Variants in RIT2 observed in about 807,000 individuals in gnomAD.
RIT2 encodes Ras like without CAAX 2, also known as GTP-binding protein Rit2.
In RIT2, 24 loss-of-function variants were observed where a neutral mutation model predicts 23.7. That is an observed-to-expected ratio of 1.01 (90% CI 0.73 to 1.43). The LOEUF (loss-of-function observed/expected upper bound fraction) is 1.43. Among genes scored for constraint, RIT2 ranks in the 40% most tolerant of loss-of-function variants. The pLI is 0.00. For synonymous variants in RIT2, 107 were observed against 91.1 expected (o/e 1.17, Z -0.99); for missense variants, 236 against 266.9 (o/e 0.88, Z 0.81).
intron 4 of RIT2, among the ~76,000 whole-genome samples, chr18:42,841,792 C>T (rs575657285): frequency 6.6e-6 from 1 of 152,160 alleles, no homozygotes; most frequent in South Asian, 2.1e-4. Flanking sequence ...AGGGAATCAT[C>T]TCACTATTAT....
At chr18:43,068,286 C>T (rs1568072559) in intron 1 of RIT2, among the ~76,000 whole-genome samples, 1 of 151,848 alleles carries the variant, frequency 6.6e-6, no homozygotes, top group Non-Finnish European at 1.5e-5. Flanking sequence ...GGTAAATTGC[C>T]CAAGATCACA....
intron 2 of RIT2, among the ~76,000 whole-genome samples, chr18:42,996,651 T>C (rs1910991611): frequency 1.3e-5 from 2 of 151,318 alleles, no homozygotes. Flanking sequence ...CCTTTGAGTG[T>C]AATTTTCCTT....
intron 4 of RIT2, among the ~76,000 whole-genome samples, chr18:42,903,375 G>C (rs1908528039): frequency 6.6e-6 from 1 of 151,970 alleles, no homozygotes; most frequent in South Asian, 2.1e-4. Context: ...GATTATCTAA[G>C]AGCTGCAAAG....
At chr18:42,801,169 TG>T (rs1454512181) in intron 4 of RIT2, among the ~76,000 whole-genome samples, 1 of 152,280 alleles carries the variant, frequency 6.6e-6, no homozygotes, top group East Asian at 1.9e-4. Context: ...AAGAAACAGT[TG>T]TTATATCCAC....
intron 4 of RIT2, among the ~76,000 whole-genome samples, chr18:42,804,484 G>A (rs1050927566): frequency 6.6e-6 from 1 of 150,744 alleles, no homozygotes; most frequent in East Asian, 2.0e-4. Flanking sequence ...GAACCCAGGA[G>A]GCGGAGATTG....
chr18:42,801,143 G>A (rs1328113436), intron 4 of RIT2, among the ~76,000 whole-genome samples: 2 of 151,902 alleles, frequency 1.3e-5, no homozygotes, highest in Non-Finnish European at 2.9e-5. Flanking sequence ...TGATGATGGC[G>A]ATGGTGAAGA....
chr18:43,088,150 A>T (rs1033830681), intron 1 of RIT2, among the ~76,000 whole-genome samples: 7 of 152,116 alleles, frequency 4.6e-5, no homozygotes, highest in Non-Finnish European at 8.8e-5. Context: ...ACCATTTTTA[A>T]TCTCTCTTAG....
chr18:42,903,871 A>G (rs917327321), intron 4 of RIT2, among the ~76,000 whole-genome samples: 5 of 152,172 alleles, frequency 3.3e-5, no homozygotes, highest in Non-Finnish European at 7.4e-5. Flanking sequence ...CAAATCAATC[A>G]AAGTATTTTT....
intron 3 of RIT2, among the ~76,000 whole-genome samples, chr18:42,970,593 T>C (rs1443236090): frequency 1.3e-5 from 2 of 152,002 alleles, no homozygotes; most frequent in African/African-American, 4.8e-5. Flanking sequence ...AAGACCCTCA[T>C]TGACAGGTAT....
intron 3 of RIT2, among the ~76,000 whole-genome samples, chr18:42,946,699 A>G (rs1186565909): frequency 1.3e-5 from 2 of 152,018 alleles, no homozygotes; most frequent in Non-Finnish European, 2.9e-5. Context: ...ATCAAGAGTA[A>G]AACTATATTG....
At chr18:42,801,130 TG>T (rs1905530014) in intron 4 of RIT2, among the ~76,000 whole-genome samples, 1 of 152,052 alleles carries the variant, frequency 6.6e-6, no homozygotes, top group Non-Finnish European at 1.5e-5. Flanking sequence ...AATGATGAAG[TG>T]GTGATGATGG....
intron 2 of RIT2, among the ~76,000 whole-genome samples, chr18:43,021,544 T>A (rs1175859281): frequency 6.6e-6 from 1 of 152,048 alleles, no homozygotes; most frequent in Admixed American, 6.6e-5. Context: ...GGTGATTTGA[T>A]CATGGGGGTG....
chr18:43,074,226 G>A (rs899213738), intron 1 of RIT2, among the ~76,000 whole-genome samples: 1 of 152,100 alleles, frequency 6.6e-6, no homozygotes, highest in Non-Finnish European at 1.5e-5. Context: ...TAAAAATTTT[G>A]CAATTAAACC....
At chr18:42,939,211 G>A (rs1029755225) in intron 3 of RIT2, among the ~76,000 whole-genome samples, 74 of 152,216 alleles carry the variant, frequency 4.9e-4, no homozygotes, top group African/African-American at 1.3e-3. Context: ...TTAAGCATGG[G>A]GTTCTCAAGC....
intron 2 of RIT2, among the ~76,000 whole-genome samples, chr18:42,982,127 T>C (rs1910611792): frequency 6.6e-6 from 1 of 152,140 alleles, no homozygotes; most frequent in Non-Finnish European, 1.5e-5. Flanking sequence ...GGTTTAACCT[T>C]TTTACATTGA....
At chr18:42,759,931 C>A (rs1369301805) in intron 4 of RIT2, among the ~76,000 whole-genome samples, 1 of 152,032 alleles carries the variant, frequency 6.6e-6, no homozygotes, top group Non-Finnish European at 1.5e-5. Flanking sequence ...GCATGTGCCA[C>A]CACGCATAGC....
At chr18:42,916,027 A>C (rs925813698) in intron 4 of RIT2, among the ~76,000 whole-genome samples, 1 of 152,032 alleles carries the variant, frequency 6.6e-6, no homozygotes, top group Non-Finnish European at 1.5e-5. Flanking sequence ...GTCCCAAAAT[A>C]AAATTATCCT....
chr18:42,751,492 G>A lies in RIT2; in HGVS notation c.427-7772C>T, dbSNP rs548180153. 1.3e-4 allele frequency among the ~76,000 whole-genome samples: 19 copies of A among 151,894 alleles called. No homozygotes were observed. The South Asian group carries it at 3.5e-3, about 28-fold the overall frequency. ...AAAGTCCAATGTGATAATCAAGCTC[G>A]ACCAGAAATAAAATTAGTAAACAAA... is the stretch of plus-strand genomic sequence containing the variant. On this transcript the variant is annotated intron_variant, in intron 4 of 4. Transcript: ENST00000326695.
intron 3 of RIT2, among the ~76,000 whole-genome samples, chr18:42,924,812 A>C (rs1909141215): frequency 6.6e-6 from 1 of 152,132 alleles, no homozygotes. Context: ...TTGTTTAAAT[A>C]AATGTCAATT....
Sources: gnomAD v4.1 joint callset for allele counts (sites outside exome capture counted in the v4.1 genomes callset) on GRCh38, gnomAD v4.1.1 for gene constraint, MANE v1.5 for transcripts, NCBI Gene and HGNC (gene_info 2026-07-23, HGNC 2026-07-21) for gene names.